VGLL2: variants seen among roughly 807,000 people sequenced by gnomAD.
VGLL2 encodes transcription cofactor vestigial-like protein 2.
VGLL2 carries 18 observed loss-of-function variants against 27.0 expected under a neutral mutation model. That is an observed-to-expected ratio of 0.67 (90% CI 0.46 to 0.99). VGLL2 has a LOEUF of 0.99. Among genes scored for constraint, VGLL2 ranks in the 50% least tolerant of loss-of-function variants. VGLL2 has a pLI of 0.00. For missense variants in VGLL2, 491 were observed against 452.3 expected (o/e 1.09, Z -0.78); for synonymous variants, 220 against 201.1 (o/e 1.09, Z -0.80).
Position 117,265,970 on chromosome 6 carries a change from G to C in VGLL2, c.81+126G>C, listed in dbSNP as rs866318124. 3.6e-6 allele frequency: 3 copies of C among 835,648 alleles called. No individual in the cohort carries two copies. The South Asian group carries it at 4.4e-5, about 12-fold the overall frequency. 51.8% of individuals were successfully genotyped at this position (835,648 alleles called of 1,614,324 possible). A position where few individuals can be genotyped will look rare whatever the true frequency, so the allele number is the denominator to read the frequency against. ...GCGTCCGACCACGACCGGCGCAGCC[G>C]GGATGCGGGGATTGCCGGAGCCGCC... is the stretch of plus-strand genomic sequence containing the variant. On this transcript the variant is annotated intron_variant, in intron 1 of 3. Coordinates refer to ENST00000326274, the MANE Select transcript of VGLL2 (RefSeq NM_182645.3).
At chr6:117,265,907 C>A in intron 1 of VGLL2, 63 bp downstream of exon 1, 1 of 1,474,410 alleles carries the variant, frequency 6.8e-7, no homozygotes, top group Non-Finnish European at 9.5e-7. Flanking sequence ...GCGGCATGGC[C>A]TGTACGCCAA....
chr6:117,270,391 C>A, intron 2 of VGLL2, 152 bp from the exon 3 acceptor site: 1 of 990,780 alleles, frequency 1.0e-6, no homozygotes, highest in Non-Finnish European at 1.4e-6. Flanking sequence ...GAGGCGGGGG[C>A]TGCCCATCAG....
rs750075814 is a variant in VGLL2, at chr6:117,268,251, G to A, written c.151G>A (p.Gly51Ser). Residue 51 changes from glycine to serine, a missense_variant, in exon 2 of 4, where the codon GGC becomes AGC. Physicochemically the swap from Gly to Ser is moderately conservative, Grantham distance 56. Coordinates refer to ENST00000326274, the MANE Select transcript of VGLL2 (RefSeq NM_182645.3). ...CNASPSSSGS[G>S]SSSFSSQTPA... ...TGCCAGCCCCAGCAGCAGTGGCAGCGGCAGCTCCTCATTTTCCAGCCAAAC... is the reference window on the plus strand; with the variant it reads ...TGCCAGCCCCAGCAGCAGTGGCAGCAGCAGCTCCTCATTTTCCAGCCAAAC... 22 of 1,613,918 alleles carry A rather than the reference G, an allele frequency of 1.4e-5. No individual in the cohort carries two copies. In the African/African-American group the frequency reaches 1.5e-4, roughly 11 times the overall value.
At chr6:117,272,103 A>G (rs773482230) in intron 3 of VGLL2, among the ~76,000 whole-genome samples, 70 of 147,142 alleles carry the variant, frequency 4.8e-4, no homozygotes, top group Non-Finnish European at 9.2e-4. Context: ...CTTTCACAAT[A>G]AAACAGTGGT....
At position 117,273,016 on chromosome 6, in the gene VGLL2, A is replaced by G. The variant is rs796363265; in HGVS notation, c.*522A>G. The G allele has an allele frequency of 9.1e-5, 14 of 153,618 alleles. No homozygotes were observed. Among genetic ancestry groups the G allele is most frequent in the African/African-American group, 3.4e-4 (14 of 41,534 alleles). 9.5% of individuals were successfully genotyped at this position (153,618 alleles called of 1,614,324 possible). The stretch of plus-strand genomic sequence containing the variant: ...CCCTTCCCTACAATGCCCACTCCAG[A>G]CGCAAAGATACACTTTTTTCCTTTG... On this transcript the variant is annotated 3_prime_UTR_variant, in exon 4 of 4. Transcript: ENST00000326274.
At position 117,268,282 on chromosome 6, in the gene VGLL2, C is replaced by A. The variant is rs1448510227; in HGVS notation, c.182C>A (p.Ala61Asp). 6.2e-7 allele frequency: 1 copy of A among 1,614,156 alleles called. No individual in the cohort carries two copies. The highest frequency in any genetic ancestry group is 2.2e-5 in the East Asian group (1 of 44,882). Reference sequence around the variant, plus strand: ...TCCTCATTTTCCAGCCAAACCCCAGCCAGTATAAAAGAGGAAGAAGGCAGC... The same window carrying A: ...TCCTCATTTTCCAGCCAAACCCCAGACAGTATAAAAGAGGAAGAAGGCAGC... ...GSSSFSSQTP[A>D]SIKEEEGSPE... Residue 61 changes from alanine (A) to aspartate (D), a missense_variant, in exon 2 of 4, where the codon GCC (alanine) becomes GAC (aspartate). By Grantham distance (126) the Ala-to-Asp change is moderately radical (BLOSUM62 -2). Transcript: ENST00000326274.
chr6:117,267,810 C>T (rs1212228522), intron 1 of VGLL2, among the ~76,000 whole-genome samples: 4 of 152,184 alleles, frequency 2.6e-5, no homozygotes, highest in Non-Finnish European at 4.4e-5. Context: ...GTGCCCTTTA[C>T]CCTTGGAGTC....
At position 117,268,357 on chromosome 6, in the gene VGLL2, T is replaced by G; in HGVS notation, c.257T>G (p.Val86Gly). ...GCAGAGTACATCAACTCCCGCTGCG[T>G]CCTCTTCACTTATTTCCAGGGGGAC... The part of the protein sequence containing the change: ...PEAEYINSRC[V>G]LFTYFQGDIS... The change falls in exon 2 of 4, where the codon GTC becomes GGC. Residue 86 changes from valine (V) to glycine (G), a missense_variant. Transcript: ENST00000326274. 6.2e-7 allele frequency: 1 copy of G among 1,613,952 alleles called. No individual in the cohort carries two copies.
In VGLL2 at chr6:117,270,759, A is replaced by G. The variant is rs959058897; in HGVS notation, c.608A>G (p.His203Arg). The G allele has an allele frequency of 2.0e-5, 30 of 1,499,852 alleles. No homozygotes were observed. The highest frequency in any genetic ancestry group is 5.8e-5 in the African/African-American group (4 of 68,492). The allele number at this position is 1,499,852 out of a possible 1,614,324, so 92.9% of individuals were successfully genotyped here. A position where few individuals can be genotyped will look rare whatever the true frequency, so the allele number is the denominator to read the frequency against. The change falls in exon 3 of 4, where the codon CAC becomes CGC. Residue 203 changes from histidine (H) to arginine (R), a missense_variant. By Grantham distance (29) the His-to-Arg change is conservative. Coordinates refer to ENST00000326274, the MANE Select transcript of VGLL2 (RefSeq NM_182645.3). The part of the protein sequence containing the change: ...PWHHAHPHHA[H>R]PHHPYALGGA... Reference sequence around the variant, plus strand: ...CACCACGCGCACCCGCACCACGCGCACCCGCATCACCCCTACGCCCTGGGC... The same window carrying G: ...CACCACGCGCACCCGCACCACGCGCGCCCGCATCACCCCTACGCCCTGGGC...
chr6:117,270,438 C>A, intron 2 of VGLL2, 105 bp from the exon 3 acceptor site: 1 of 1,370,186 alleles, frequency 7.3e-7, no homozygotes, highest in Non-Finnish European at 9.5e-7. Flanking sequence ...GCCCGCCCGG[C>A]GCCTTCGTCT....
chr6:117,270,748 GC>G lies in VGLL2; in HGVS notation c.598del (p.His200ThrfsTer44). On this transcript the variant is annotated frameshift_variant, in exon 3 of 4. Coordinates refer to ENST00000326274, the MANE Select transcript of VGLL2 (RefSeq NM_182645.3). ...ATEPWHHAHP[H>X]HAHPHHPYAL... The stretch of plus-strand genomic sequence containing the variant: ...CGGAGCCCTGGCACCACGCGCACCC[GC>G]ACCACGCGCACCCGCATCACCCCTA... The G allele has an allele frequency of 6.6e-7, 1 of 1,508,386 alleles. No homozygotes were observed. The highest frequency in any genetic ancestry group is 8.8e-7 in the Non-Finnish European group (1 of 1,138,164). 93.4% of individuals were successfully genotyped at this position (1,508,386 alleles called of 1,614,324 possible).
chr6:117,268,854 A>C (rs1009846253), intron 2 of VGLL2, among the ~76,000 whole-genome samples: 1 of 152,138 alleles, frequency 6.6e-6, no homozygotes, highest in East Asian at 1.9e-4. Flanking sequence ...GACTCCAACA[A>C]GAAAATGGAT....
chr6:117,268,519 C>T, intron 2 of VGLL2, 28 bp downstream of exon 2: 1 of 1,543,990 alleles, frequency 6.5e-7, no homozygotes, highest in Non-Finnish European at 8.7e-7. Context: ...CTGGGAAGGA[C>T]CCATAGGGGG....
intron 3 of VGLL2, among the ~76,000 whole-genome samples, chr6:117,271,968 A>T (rs555547954): frequency 1.3e-5 from 2 of 152,246 alleles, no homozygotes; most frequent in South Asian, 4.1e-4. Context: ...AAGTGCAATC[A>T]CTGGCTTTAT....
In VGLL2 at chr6:117,265,651, C is replaced by T; in HGVS notation, c.-113C>T. On this transcript the variant is annotated 5_prime_UTR_variant, in exon 1 of 4. Coordinates refer to ENST00000326274, the MANE Select transcript of VGLL2 (RefSeq NM_182645.3). ...CGAGCCGCGGAGCGCGCTGGCTTTG[C>T]TCCGCCTGATGACTCCAGAGCGCGG... 1 of 873,632 alleles carries T rather than the reference C, an allele frequency of 1.1e-6. No individual in the cohort carries two copies. Among genetic ancestry groups the T allele is most frequent in the Non-Finnish European group, 1.9e-6 (1 of 537,666 alleles). The allele number at this position is 873,632 out of a possible 1,614,324, so 54.1% of individuals were successfully genotyped here.
At position 117,270,473 on chromosome 6, in the gene VGLL2, G is replaced by T. The variant is rs1178925420; in HGVS notation, c.392-70G>T. ...TCTCGGGCGGGACGTGCAGGTCGGC[G>T]CTGAGTCCAGCCGCAGTGACACGCA... is the stretch of plus-strand genomic sequence containing the variant. On this transcript the variant is annotated intron_variant, in intron 2 of 3. Coordinates refer to ENST00000326274, the MANE Select transcript of VGLL2 (RefSeq NM_182645.3). 1.3e-5 allele frequency: 20 copies of T among 1,482,608 alleles called. No homozygotes were observed. The African/African-American group carries it at 2.8e-4, about 20-fold the overall frequency. 91.8% of individuals were successfully genotyped at this position (1,482,608 alleles called of 1,614,324 possible). A position where few individuals can be genotyped will look rare whatever the true frequency, so the allele number is the denominator to read the frequency against.
chr6:117,272,414 A>G (rs769225871), intron 3 of VGLL2, 40 bp from the exon 4 acceptor site: 14 of 1,614,046 alleles, frequency 8.7e-6, no homozygotes, highest in Admixed American at 3.3e-5. Flanking sequence ...CAGAGCTGAA[A>G]TGGAGTGGGT....
intron 3 of VGLL2, among the ~76,000 whole-genome samples, chr6:117,271,449 T>A (rs2128517429): frequency 6.6e-6 from 1 of 152,110 alleles, no homozygotes; most frequent in South Asian, 2.1e-4. Flanking sequence ...CGAATTAAGA[T>A]GTGCTGTCAG....
In VGLL2 at chr6:117,268,448, C is replaced by G; in HGVS notation, c.348C>G (p.Ser116Arg). The G allele has an allele frequency of 6.2e-7, 1 of 1,613,906 alleles. No homozygotes were observed. Among genetic ancestry groups the G allele is most frequent in the South Asian group, 1.1e-5 (1 of 91,058 alleles). ...ALSQPSSYSP[S>R]CTSSKAPRSS... ...GCCAACCCAGCAGCTACTCTCCTAGCTGTACCAGCAGCAAAGCACCAAGGA... is the reference window on the plus strand; with the variant it reads ...GCCAACCCAGCAGCTACTCTCCTAGGTGTACCAGCAGCAAAGCACCAAGGA... The change falls in exon 2 of 4, where the codon AGC (serine) becomes AGG (arginine). Residue 116 changes from serine (S) to arginine (R), a missense_variant. Coordinates refer to ENST00000326274, the MANE Select transcript of VGLL2 (RefSeq NM_182645.3).
Sources: gnomAD v4.1 joint callset for allele counts (sites outside exome capture counted in the v4.1 genomes callset) on GRCh38, gnomAD v4.1.1 for gene constraint, MANE v1.5 for transcripts, NCBI Gene and HGNC (gene_info 2026-07-23, HGNC 2026-07-21) for gene names.